Variants in SCML4 observed in about 807,000 individuals in gnomAD.
SCML4 encodes the protein sex comb on midleg-like protein 4.
SCML4 carries 34 observed loss-of-function variants against 41.1 expected under a neutral mutation model. The observed-to-expected ratio is 0.83, with a 90% CI of 0.63 to 1.10. The LOEUF (loss-of-function observed/expected upper bound fraction) is 1.10, where lower values mean the gene tolerates loss of function less well. Ranked by LOEUF, SCML4 falls within the 50% of genes least tolerant of loss-of-function variation. The pLI is 0.00. For synonymous variants in SCML4, 214 were observed against 220.9 expected, an observed-to-expected ratio of 0.97 and a Z score of 0.28; for missense variants, 522 against 534.1, an observed-to-expected ratio of 0.98 and a Z score of 0.22.
chr6:107,753,384 GT>G (rs1158530925), intron 2 of SCML4, among the ~76,000 whole-genome samples: 1 of 152,124 alleles, frequency 6.6e-6, no homozygotes. Context: ...TCACATCCAC[GT>G]TCACGGCAAC....
chr6:107,774,792 C>T (rs892378253), intron 1 of SCML4, among the ~76,000 whole-genome samples: 28 of 152,082 alleles, frequency 1.8e-4, no homozygotes, highest in African/African-American at 5.5e-4. Flanking sequence ...GAGGCTGAGG[C>T]GGGCAGATCA....
At chr6:107,839,665 T>C in the SCML4 span, among the ~76,000 whole-genome samples, 2 of 152,154 alleles carry the variant, frequency 1.3e-5, no homozygotes, top group East Asian at 3.8e-4. Flanking sequence ...CATTAAAAAA[T>C]GTGGAAGACA....
chr6:107,808,300 T>C (rs1220423355), intron 1 of SCML4, among the ~76,000 whole-genome samples: 2 of 152,190 alleles, frequency 1.3e-5, no homozygotes, highest in African/African-American at 2.4e-5. Flanking sequence ...CAGAAAGATA[T>C]TATCAAATCA....
At chr6:107,788,127 C>T (rs374839527) in intron 1 of SCML4, among the ~76,000 whole-genome samples, 6 of 152,208 alleles carry the variant, frequency 3.9e-5, no homozygotes. Context: ...GCACAGTTAT[C>T]GTGAAATTGA....
At chr6:107,739,787 G>C (rs150483225) in intron 5 of SCML4, among the ~76,000 whole-genome samples, 1 of 152,174 alleles carries the variant, frequency 6.6e-6, no homozygotes, top group Non-Finnish European at 1.5e-5. Context: ...TTGACAAGGC[G>C]ATCTTAAAGA....
intron 5 of SCML4, among the ~76,000 whole-genome samples, chr6:107,727,249 G>A (rs1776075257): frequency 6.6e-6 from 1 of 152,182 alleles, no homozygotes; most frequent in Admixed American, 6.5e-5. Flanking sequence ...TTAGGGATTG[G>A]GGTTGGGGTG....
intron 3 of SCML4, among the ~76,000 whole-genome samples, chr6:107,747,784 C>T (rs1778275306): frequency 6.6e-6 from 1 of 151,802 alleles, no homozygotes; most frequent in Non-Finnish European, 1.5e-5. Flanking sequence ...AGAAGACTGC[C>T]CAAAGGGTTA....
Position 107,741,601 on chromosome 6 carries a change from A to G in SCML4, c.682+3348T>C, listed in dbSNP as rs971864837. On this transcript the variant is annotated intron_variant, in intron 5 of 7. Transcript: ENST00000369020. Reference sequence around the variant, plus strand: ...CAGTGTGGCTGTTACGCAGTACCACACTGTAGGTTTGTCCCACAGATCCCC... The same window carrying G: ...CAGTGTGGCTGTTACGCAGTACCACGCTGTAGGTTTGTCCCACAGATCCCC... Among the ~76,000 whole-genome samples, 4 of 152,214 alleles carry G rather than the reference A, an allele frequency of 2.6e-5. No individual in the cohort carries two copies. In the South Asian group the frequency reaches 8.3e-4, roughly 31 times the overall value.
At chr6:107,801,107 T>C (rs908409247) in intron 1 of SCML4, among the ~76,000 whole-genome samples, 1 of 152,230 alleles carries the variant, frequency 6.6e-6, no homozygotes, top group Non-Finnish European at 1.5e-5. Context: ...CTATTCCAAT[T>C]GCCAATGTGG....
At chr6:107,772,131 A>T in intron 2 of SCML4, 41 bp downstream of exon 2, 1 of 1,518,114 alleles carries the variant, frequency 6.6e-7, no homozygotes, top group Non-Finnish European at 8.9e-7. Flanking sequence ...CCCGTGCCCC[A>T]GCCCAATACC....
At chr6:107,723,655 A>T (rs1775656811) in intron 5 of SCML4, among the ~76,000 whole-genome samples, 1 of 152,230 alleles carries the variant, frequency 6.6e-6, no homozygotes, top group Non-Finnish European at 1.5e-5. Context: ...TGAATTAGTA[A>T]TCAGAAAACT....
intron 1 of SCML4, among the ~76,000 whole-genome samples, chr6:107,774,943 T>C (rs1780808591): frequency 6.7e-6 from 1 of 150,254 alleles, no homozygotes; most frequent in East Asian, 2.0e-4. Flanking sequence ...TGCAGTGAGC[T>C]AAGATCGCGC....
chr6:107,772,215 G>T lies in SCML4; in HGVS notation c.113C>A (p.Ala38Glu), dbSNP rs1282087160. The T allele has an allele frequency of 6.4e-7, 1 of 1,551,542 alleles. No individual in the cohort carries two copies. The highest frequency in any genetic ancestry group is 8.7e-7 in the Non-Finnish European group (1 of 1,146,938). The change falls in exon 2 of 8, where the codon GCA becomes GAA. Residue 38 changes from alanine to glutamate, a missense_variant. Transcript: ENST00000369020. ...LYSASAGSLP[A>E]VKIPKKRGRK... ...CCCTCTTTTCTTTGGGATCTTCACT[G>T]CTGGTAAAGAGCCAGCTGAAGCAGA...
At chr6:107,818,048 G>C (rs1355595235) in intron 1 of SCML4, among the ~76,000 whole-genome samples, 3 of 152,128 alleles carry the variant, frequency 2.0e-5, no homozygotes, top group Admixed American at 2.0e-4. Context: ...TCACACCGTG[G>C]ATGGTGATTT....
At chr6:107,843,951 G>C in the SCML4 span, among the ~76,000 whole-genome samples, 1 of 140,000 alleles carries the variant, frequency 7.1e-6, no homozygotes, top group Admixed American at 7.4e-5. Context: ...GAGAGAGAGA[G>C]AGAAGCAAAA....
the SCML4 span, among the ~76,000 whole-genome samples, chr6:107,836,271 G>A: frequency 6.6e-6 from 1 of 152,106 alleles, no homozygotes; most frequent in East Asian, 1.9e-4. Flanking sequence ...CTTAAATAGG[G>A]GAAGCACTCC....
At chr6:107,751,976 C>A (rs914508752) in intron 2 of SCML4, among the ~76,000 whole-genome samples, 1 of 152,084 alleles carries the variant, frequency 6.6e-6, no homozygotes, top group Non-Finnish European at 1.5e-5. Context: ...CTGAAAGAAG[C>A]AAAAGTGGGA....
At chr6:107,762,072 G>A (rs1015866451) in intron 2 of SCML4, among the ~76,000 whole-genome samples, 1 of 152,054 alleles carries the variant, frequency 6.6e-6, no homozygotes, top group Non-Finnish European at 1.5e-5. Context: ...AAATTAAAAT[G>A]CATGGCAACA....
At chr6:107,755,681 AG>A in intron 2 of SCML4, 1 of 1,110,368 alleles carries the variant, frequency 9.0e-7, no homozygotes, top group African/African-American at 1.7e-5. Context: ...AAAAAAAAAA[AG>A]CTGTCTATTT....
Sources: allele counts gnomAD v4.1 joint callset (sites outside exome capture counted in the v4.1 genomes callset), GRCh38; gene constraint gnomAD v4.1.1; transcripts MANE v1.5; gene names NCBI Gene and HGNC (gene_info 2026-07-23, HGNC 2026-07-21).